BRINP1: variants seen among roughly 807,000 people sequenced by gnomAD.
The protein encoded by BRINP1 is BMP/retinoic acid-inducible neural-specific protein 1.
A neutral mutation model predicts 72.9 loss-of-function variants in BRINP1; 17 were observed. That is an observed-to-expected ratio of 0.23 (90% CI 0.16 to 0.35). The LOEUF is 0.35. BRINP1 is among the 10% of genes least tolerant of loss of function. BRINP1 has a pLI of 1.00. For synonymous variants in BRINP1, 418 were observed against 378.5 expected (o/e 1.10, Z -1.21); for missense variants, 850 against 1,001.6 (o/e 0.85, Z 2.04).
At chr9:119,337,870 A>G (rs549240790) in intron 1 of BRINP1, among the ~76,000 whole-genome samples, 12 of 152,348 alleles carry the variant, frequency 7.9e-5, no homozygotes, top group African/African-American at 2.9e-4. Context: ...CCTTCAAAAG[A>G]TATACCATAT....
rs1298996372 is a variant in BRINP1, at chr9:119,167,843, C to T, written c.1527G>A (p.Glu509=). The change falls in exon 8 of 8, where the codon GAG becomes GAA. Residue 509 remains glutamate, a synonymous_variant. Transcript: ENST00000265922. This position sits in a 1 kb window ranked among gnomAD's most constrained non-coding sequence, Gnocchi z 4.3. ...LYVHTTFISN[E]IRLDTFFDPR... ...GGTCAAAGAAGGTGTCGAGGCGGAT[C>T]TCGTTGCTGATGAAGGTGGTGTGGA... 3 of 1,614,134 alleles carry T rather than the reference C, an allele frequency of 1.9e-6. No homozygotes were observed. Among genetic ancestry groups the T allele is most frequent in the Non-Finnish European group, 2.5e-6 (3 of 1,180,024 alleles).
chr9:119,255,657 G>C (rs151266104), intron 2 of BRINP1, among the ~76,000 whole-genome samples: 4 of 152,144 alleles, frequency 2.6e-5, no homozygotes, highest in African/African-American at 7.2e-5. Context: ...ACATGATTAC[G>C]AGACAGAAAG....
intron 1 of BRINP1, among the ~76,000 whole-genome samples, chr9:119,359,304 C>T (rs573413235): frequency 1.3e-5 from 2 of 152,320 alleles, no homozygotes; most frequent in African/African-American, 4.8e-5. Flanking sequence ...CATAATCCTC[C>T]TGCCTCAGCA....
At chr9:119,214,188 AGGTTT>A in intron 5 of BRINP1, 33 bp from the exon 6 acceptor site, 3 of 1,527,826 alleles carry the variant, frequency 2.0e-6, no homozygotes, top group African/African-American at 1.4e-5. Context: ...GAAAACAGAA[AGGTTT>A]AAAAAAAGGT....
intron 7 of BRINP1, among the ~76,000 whole-genome samples, chr9:119,185,531 CA>C (rs1361276361): frequency 6.6e-6 from 1 of 152,050 alleles, no homozygotes; most frequent in Non-Finnish European, 1.5e-5. Flanking sequence ...TTGCCCAACA[CA>C]AAAAAGGACC....
chr9:119,275,660 C>T (rs1184671344), intron 2 of BRINP1, among the ~76,000 whole-genome samples: 2 of 152,174 alleles, frequency 1.3e-5, no homozygotes, highest in Non-Finnish European at 2.9e-5. Context: ...CCTACAACCT[C>T]AAAAGGAGAA....
At chr9:119,168,728 T>A (rs1218056471) in intron 7 of BRINP1, among the ~76,000 whole-genome samples, 1 of 122,136 alleles carries the variant, frequency 8.2e-6, no homozygotes. Flanking sequence ...AAAAACAAAT[T>A]ATATTTTATC....
Position 119,282,307 on chromosome 9 carries a change from A to G in BRINP1, c.218+30831T>C, listed in dbSNP as rs548095805. 4.6e-4 allele frequency among the ~76,000 whole-genome samples: 70 copies of G among 152,290 alleles called. No homozygotes were observed. In the Middle Eastern group the frequency reaches 0.014, roughly 30 times the overall value. ...GTAGATGAAATCCACAGGAGGAAAG[A>G]GCTGGGATACTTGGGTTGTAGCTGT... On this transcript the variant is annotated intron_variant, in intron 2 of 7. Coordinates refer to ENST00000265922, the MANE Select transcript of BRINP1 (RefSeq NM_014618.3).
At chr9:119,231,528 A>G (rs1334212334) in intron 5 of BRINP1, among the ~76,000 whole-genome samples, 1 of 152,050 alleles carries the variant, frequency 6.6e-6, no homozygotes, top group East Asian at 1.9e-4. Flanking sequence ...CTATAATACT[A>G]CTCTGTAGAG....
chr9:119,227,733 T>C (rs1479659882), intron 5 of BRINP1, among the ~76,000 whole-genome samples: 1 of 152,012 alleles, frequency 6.6e-6, no homozygotes, highest in Non-Finnish European at 1.5e-5. Context: ...TCACTTAGTG[T>C]ATCACCCTGA....
chr9:119,187,398 C>T (rs1233925648), intron 7 of BRINP1, among the ~76,000 whole-genome samples: 2 of 151,900 alleles, frequency 1.3e-5, no homozygotes, highest in African/African-American at 2.4e-5. Context: ...CTTGCCACCA[C>T]CACTGCCACA....
rs10739533 is a variant in BRINP1 at position 119,268,285 on chromosome 9, T to C, written c.219-19135A>G. On this transcript the variant is annotated intron_variant, in intron 2 of 7. Transcript: ENST00000265922. ...ATAGATAGATAGATAGATAGATAGATAGATAGATAGATAGATAAAAGTGTT... is the reference window on the plus strand; with the variant it reads ...ATAGATAGATAGATAGATAGATAGACAGATAGATAGATAGATAAAAGTGTT... 1.8e-3 allele frequency among the ~76,000 whole-genome samples: 263 copies of C among 148,588 alleles called. 1 individual carries two copies. The highest frequency in any genetic ancestry group is 3.9e-3 in the South Asian group (18 of 4,596).
intron 1 of BRINP1, among the ~76,000 whole-genome samples, chr9:119,352,307 T>C (rs1831514706): frequency 6.6e-6 from 1 of 152,360 alleles, no homozygotes; most frequent in African/African-American, 2.4e-5. Flanking sequence ...AGAATATTTA[T>C]ATTTTAGTGC....
intron 7 of BRINP1, among the ~76,000 whole-genome samples, chr9:119,173,653 T>A (rs1322580093): frequency 2.0e-5 from 3 of 146,478 alleles, no homozygotes; most frequent in African/African-American, 7.9e-5. Context: ...TTAAAGTTCA[T>A]ATGGAACCAA....
chr9:119,230,231 G>A (rs2118896477), intron 5 of BRINP1, among the ~76,000 whole-genome samples: 1 of 152,248 alleles, frequency 6.6e-6, no homozygotes, highest in South Asian at 2.1e-4. Context: ...GATAGCATAA[G>A]GCAAAGCCAA....
intron 1 of BRINP1, among the ~76,000 whole-genome samples, chr9:119,326,230 C>G (rs1831238444): frequency 6.6e-6 from 1 of 152,082 alleles, no homozygotes. Flanking sequence ...AAACCTAAAC[C>G]AATTCTAAGT....
rs7862457 is a variant in BRINP1 at position 119,208,967 on chromosome 9, G to T, written c.923-26C>A. 9.1e-3 allele frequency: 14,371 copies of T among 1,584,350 alleles called. 1,027 individuals are homozygous for T. In the African/African-American group the frequency reaches 0.17, roughly 18 times the overall value. ...CTAGTGAGAGACAAAGGCCGAGAGA[G>T]AAGGGCTAAGCATGATAACACCCAT... On this transcript the variant is annotated intron_variant, in intron 6 of 7. Coordinates refer to ENST00000265922, the MANE Select transcript of BRINP1 (RefSeq NM_014618.3).
At chr9:119,282,224 A>C (rs1321176711) in intron 2 of BRINP1, among the ~76,000 whole-genome samples, 1 of 152,208 alleles carries the variant, frequency 6.6e-6, no homozygotes, top group African/African-American at 2.4e-5. Flanking sequence ...TACTATGTGT[A>C]GATGAGACGA....
intron 5 of BRINP1, among the ~76,000 whole-genome samples, chr9:119,222,287 C>T (rs563647619): frequency 9.9e-5 from 15 of 152,162 alleles, no homozygotes; most frequent in Admixed American, 7.9e-4. Flanking sequence ...CATAACCTAG[C>T]TTATACTAAC....
Sources: gnomAD v4.1 joint callset for allele counts (sites outside exome capture counted in the v4.1 genomes callset) on GRCh38, gnomAD v4.1.1 for gene constraint, Gnocchi (gnomAD v3.1) non-coding constraint, MANE v1.5 for transcripts, NCBI Gene and HGNC (gene_info 2026-07-23, HGNC 2026-07-21) for gene names.